MYO9B: variants seen among roughly 807,000 people sequenced by gnomAD.
MYO9B encodes the protein unconventional myosin-IXb.
In MYO9B, 71 loss-of-function variants were observed where a neutral mutation model predicts 229.5. The observed-to-expected ratio is 0.31, with a 90% CI of 0.26 to 0.38. The LOEUF (loss-of-function observed/expected upper bound fraction) is 0.38, where lower values mean the gene tolerates loss of function less well. Among genes scored for constraint, MYO9B ranks in the 10% least tolerant of loss-of-function variants. The pLI is 1.00. For missense variants in MYO9B, 2,255 were observed against 2,920.5 expected (o/e 0.77, Z 5.25); for synonymous variants, 1,185 against 1,235.8 (o/e 0.96, Z 0.86).
intron 2 of MYO9B, among the ~76,000 whole-genome samples, chr19:17,113,305 A>G (rs2057866592): frequency 6.6e-6 from 1 of 151,918 alleles, no homozygotes; most frequent in Non-Finnish European, 1.5e-5. Flanking sequence ...TCAAAGGGAG[A>G]TTGGAAGGCC....
chr19:17,145,533 A>G (rs559053947), intron 3 of MYO9B, 42 bp downstream of exon 3: 1 of 1,525,892 alleles, frequency 6.6e-7, no homozygotes, highest in South Asian at 1.1e-5. Context: ...AGCTGGCCCC[A>G]CGCACTGTTG....
chr19:17,089,757 C>T (rs1435806780), intron 1 of MYO9B, among the ~76,000 whole-genome samples: 1 of 152,146 alleles, frequency 6.6e-6, no homozygotes, highest in African/African-American at 2.4e-5. Flanking sequence ...TGCACCGCTC[C>T]GTTTTTTTAA....
At position 17,102,509 on chromosome 19, in the gene MYO9B, C is replaced by T. The variant is rs779920407; in HGVS notation, c.792C>T (p.Tyr264=). ...TCACCGCCCTCAGCCAGAAGGGCTA[C>T]GCCAGCGGCGTCGAGAGGACCATCC... is the stretch of plus-strand genomic sequence containing the variant. The part of the protein sequence containing the change: ...HCLTALSQKG[Y]ASGVERTILG... The change falls in exon 2 of 40, where the codon TAC becomes TAT. Residue 264 remains tyrosine, a synonymous_variant. Transcript: ENST00000682292. The T allele has an allele frequency of 1.2e-4, 192 of 1,612,110 alleles. No homozygotes were observed. Among genetic ancestry groups the T allele is most frequent in the Middle Eastern group, 4.9e-4 (3 of 6,082 alleles).
At chr19:17,144,662 A>G (rs1344772473) in intron 2 of MYO9B, among the ~76,000 whole-genome samples, 1 of 151,822 alleles carries the variant, frequency 6.6e-6, no homozygotes, top group Non-Finnish European at 1.5e-5. Flanking sequence ...CCTACTTTGC[A>G]GGAACAGTTA....
chr19:17,156,341 G>A (rs938749619), intron 6 of MYO9B, among the ~76,000 whole-genome samples: 1 of 152,038 alleles, frequency 6.6e-6, no homozygotes, highest in African/African-American at 2.4e-5. Context: ...CTGAGCCCGG[G>A]GAGGTTGAGG....
At chr19:17,100,846 G>A (rs1291772031) in intron 1 of MYO9B, among the ~76,000 whole-genome samples, 1 of 151,910 alleles carries the variant, frequency 6.6e-6, no homozygotes, top group Non-Finnish European at 1.5e-5. Context: ...TCCTAGGTTG[G>A]GTTTCAAGGA....
intron 1 of MYO9B, among the ~76,000 whole-genome samples, chr19:17,090,083 T>G (rs1329243157): frequency 1.3e-5 from 2 of 150,718 alleles, no homozygotes; most frequent in Non-Finnish European, 3.0e-5. Flanking sequence ...TTTTTTAGTT[T>G]CATCCACGTT....
At chr19:17,142,151 C>G (rs2072348577) in intron 2 of MYO9B, among the ~76,000 whole-genome samples, 1 of 142,694 alleles carries the variant, frequency 7.0e-6, no homozygotes. Context: ...TGGGCGACAG[C>G]AAGACCCTGC....
intron 2 of MYO9B, among the ~76,000 whole-genome samples, chr19:17,129,235 A>T (rs984501754): frequency 1.3e-5 from 2 of 152,218 alleles, no homozygotes; most frequent in East Asian, 3.9e-4. Context: ...CCCTGTCTCT[A>T]CTACAAATAC....
chr19:17,118,855 G>C (rs1199543093), intron 2 of MYO9B, among the ~76,000 whole-genome samples: 1 of 152,100 alleles, frequency 6.6e-6, no homozygotes, highest in Non-Finnish European at 1.5e-5. Context: ...TTTGTGGAAG[G>C]TGTAATTGTT....
Position 17,212,200 on chromosome 19 carries a change from G to A in MYO9B, c.6364G>A (p.Gly2122Ser), listed in dbSNP as rs868781513. 2.5e-6 allele frequency: 4 copies of A among 1,582,458 alleles called. No individual in the cohort carries two copies. In the Admixed American group the frequency reaches 7.3e-5, roughly 29 times the overall value. The change falls in exon 40 of 40, where the codon GGC becomes AGC. Residue 2122 changes from glycine (G) to serine (S), a missense_variant. Gly to Ser is a moderately conservative substitution (Grantham distance 56, BLOSUM62 0). Transcript: ENST00000682292. The surrounding 1 kb of genome is among the most constrained non-coding windows in gnomAD (Gnocchi z 5.4). ...GCCCGGGGCAGACCTGCCAGTGCAG[G>A]GCGCCCTGGAGCCCCTAGAAGAGGA... ...ITPGADLPVQGALEPLEEDGQ... is the reference protein window; with the variant it reads ...ITPGADLPVQSALEPLEEDGQ...
intron 14 of MYO9B, chr19:17,180,715 C>T (rs956748842): frequency 1.5e-4 from 79 of 524,026 alleles, no homozygotes; most frequent in Non-Finnish European, 2.4e-5. Context: ...CAAAGCCCTG[C>T]CCCGCTCCAG....
At chr19:17,181,068 C>A in intron 15 of MYO9B, 28 bp downstream of exon 15, 1 of 1,512,984 alleles carries the variant, frequency 6.6e-7, no homozygotes, top group Non-Finnish European at 9.1e-7. Context: ...GCCCTGCTTA[C>A]AAGTGCGACA....
intron 1 of MYO9B, among the ~76,000 whole-genome samples, chr19:17,093,895 A>ATTTATTTG (rs1293443713): frequency 6.6e-6 from 1 of 150,716 alleles, no homozygotes. Context: ...TTATTTATTT[A>ATTTATTTG]CTTTGTAGAG....
In MYO9B at chr19:17,194,700, G is replaced by A. The variant is rs765513189; in HGVS notation, c.3273G>A (p.Ala1091=). 2.1e-5 allele frequency: 34 copies of A among 1,612,786 alleles called. No individual in the cohort carries two copies. Among genetic ancestry groups the A allele is most frequent in the African/African-American group, 1.1e-4 (8 of 74,940 alleles). The change falls in exon 22 of 40, where the codon GCG becomes GCA. Residue 1091 remains alanine, a synonymous_variant. Transcript: ENST00000682292. ...QQVAEQGPEP[A]EDGGHLASEP... ...TAGCTGAGCAGGGGCCGGAGCCAGC[G>A]GAGGATGGCGGGCACCTGGCATCGG...
chr19:17,162,425 C>T lies in MYO9B; in HGVS notation c.1495C>T (p.His499Tyr), dbSNP rs1486209174. 1 of 1,585,194 alleles carries T rather than the reference C, an allele frequency of 6.3e-7. No homozygotes were observed. The highest frequency in any genetic ancestry group is 1.2e-5 in the South Asian group (1 of 86,260). Residue 499 changes from histidine to tyrosine, a missense_variant, in exon 9 of 40, where the codon CAC (histidine) becomes TAC (tyrosine). Coordinates refer to ENST00000682292, the MANE Select transcript of MYO9B (RefSeq NM_004145.4). The stretch of plus-strand genomic sequence containing the variant: ...CGACTGGATTGTGCTGCGGATCAAC[C>T]ACGCACTCCTCAACAAGAAGGACGT... ...LFDWIVLRIN[H>Y]ALLNKKDVEE...
Position 17,200,376 on chromosome 19 carries a change from T to C in MYO9B, c.4322T>C (p.Val1441Ala). The change falls in exon 25 of 40, where the codon GTG becomes GCG. Residue 1441 changes from valine to alanine, a missense_variant. Transcript: ENST00000682292. Reference sequence around the variant, plus strand: ...GGCGCAGAGGAGCTGGAGAATGCAGTGTCCGGGCACGTGGTGCTGGAAGCC... The same window carrying C: ...GGCGCAGAGGAGCTGGAGAATGCAGCGTCCGGGCACGTGGTGCTGGAAGCC... ...LEGAEELENA[V>A]SGHVVLEATT... The C allele has an allele frequency of 6.2e-7, 1 of 1,605,362 alleles. No homozygotes were observed. The highest frequency in any genetic ancestry group is 8.5e-7 in the Non-Finnish European group (1 of 1,175,654).
chr19:17,194,531 G>C, intron 21 of MYO9B, 25 bp from the exon 22 acceptor site: 1 of 1,607,522 alleles, frequency 6.2e-7, no homozygotes, highest in Non-Finnish European at 8.5e-7. Flanking sequence ...TTCTGAACCA[G>C]CTGTCTGCTT....
chr19:17,209,601 G>T lies in MYO9B; in HGVS notation c.5640G>T (p.Leu1880=). The T allele has an allele frequency of 6.3e-7, 1 of 1,596,896 alleles. No individual in the cohort carries two copies. Among genetic ancestry groups the T allele is most frequent in the Non-Finnish European group, 8.5e-7 (1 of 1,171,906 alleles). ...VLKITTCVEM[L]IKEQMRKYKV... is the part of the protein sequence containing the mutation. ...TTCTCTGTAGGTGCGTGGAGATGCT[G>T]ATCAAGGAGCAGATGAGGAAATACA... is the stretch of plus-strand genomic sequence containing the variant. Residue 1880 remains leucine, a synonymous_variant, in exon 36 of 40, where the codon CTG becomes CTT. Coordinates refer to ENST00000682292, the MANE Select transcript of MYO9B (RefSeq NM_004145.4).
Sources: allele counts gnomAD v4.1 joint callset (sites outside exome capture counted in the v4.1 genomes callset), GRCh38; gene constraint gnomAD v4.1.1; non-coding constraint Gnocchi (gnomAD v3.1); transcripts MANE v1.5; gene names NCBI Gene and HGNC (gene_info 2026-07-23, HGNC 2026-07-21).